The following ATAD5 variants were observed in gnomAD, a reference collection of about 807,000 sequenced individuals.
ATAD5 encodes ATPase family AAA domain containing 5, also known as ATPase family AAA domain-containing protein 5.
A neutral mutation model predicts 176.9 loss-of-function variants in ATAD5; 58 were observed. The observed-to-expected ratio is 0.33, with a 90% confidence interval of 0.27 to 0.41. The LOEUF (loss-of-function observed/expected upper bound fraction) is 0.41, where lower values mean the gene tolerates loss of function less well. Among genes scored for constraint, ATAD5 ranks in the 10% least tolerant of loss-of-function variants. The pLI is 1.00. For missense variants in ATAD5, 1,789 were observed against 2,094.1 expected (o/e 0.85, Z 2.84); for synonymous variants, 640 against 712.6 (o/e 0.90, Z 1.62).
chr17:30,873,043 T>C (rs930464382), intron 14 of ATAD5, among the ~76,000 whole-genome samples: 4 of 152,194 alleles, frequency 2.6e-5, no homozygotes, highest in Admixed American at 2.6e-4. Flanking sequence ...ATTTCATATA[T>C]TATGTCCAGT....
At chr17:30,836,130 G>A (rs1187224351) in intron 2 of ATAD5, 82 bp downstream of exon 2, 7 of 1,221,854 alleles carry the variant, frequency 5.7e-6, no homozygotes, top group Non-Finnish European at 7.7e-6. Context: ...GTATTGGAGG[G>A]TATTTTTTTT....
rs1243823706 is a variant in ATAD5 at position 30,894,883 on chromosome 17, T to C, written c.5505T>C (p.Thr1835=). 5.6e-6 allele frequency: 9 copies of C among 1,598,684 alleles called. No individual in the cohort carries two copies. Among genetic ancestry groups the C allele is most frequent in the African/African-American group, 2.7e-5 (2 of 74,056 alleles). ...EGIHLDIPKE[T]VNTLAADFP is the part of the protein sequence containing the mutation. ...TTCATCTTGACATTCCAAAAGAGAC[T>C]GTGAATACTTTGGCAGCTGACTTCC... Residue 1835 remains threonine, a synonymous_variant, in exon 23 of 23, where the codon ACT becomes ACC. Coordinates refer to ENST00000321990, the MANE Select transcript of ATAD5 (RefSeq NM_024857.5).
chr17:30,844,975 T>G, intron 6 of ATAD5, 59 bp downstream of exon 6: 1 of 1,372,890 alleles, frequency 7.3e-7, no homozygotes, highest in Non-Finnish European at 1.0e-6. Flanking sequence ...TTTGTATTGA[T>G]GTGTTTACTT....
chr17:30,840,690 G>A lies in ATAD5; in HGVS notation c.2150G>A (p.Arg717Lys). 1.9e-6 allele frequency: 3 copies of A among 1,608,666 alleles called. No individual in the cohort carries two copies. Among genetic ancestry groups the A allele is most frequent in the Non-Finnish European group, 1.7e-6 (2 of 1,177,770 alleles). Residue 717 changes from arginine to lysine, a missense_variant, in exon 4 of 23, where the codon AGG becomes AAG. Around this residue, in one of 6 missense-constraint regions of ATAD5, gnomAD observed 487 missense variants for 573.6 expected, o/e 0.85. Transcript: ENST00000321990. ...IEKAKALHIS[R>K]SKVTEEIAIP... Reference sequence around the variant, plus strand: ...AAAGCAAAAGCTTTACACATCAGTAGGTCAAAGGTGACTGAAGAAATAGCG... The same window carrying A: ...AAAGCAAAAGCTTTACACATCAGTAAGTCAAAGGTGACTGAAGAAATAGCG...
At chr17:30,856,816 T>C (rs1907315073) in intron 7 of ATAD5, 139 bp from the exon 8 acceptor site, 1 of 672,692 alleles carries the variant, frequency 1.5e-6, no homozygotes, top group East Asian at 3.4e-5. Context: ...AGGATTTTGT[T>C]CCCTTTATAG....
chr17:30,882,868 T>C (rs746243434), intron 18 of ATAD5, among the ~76,000 whole-genome samples: 1 of 152,152 alleles, frequency 6.6e-6, no homozygotes, highest in Non-Finnish European at 1.5e-5. Context: ...TGCCTAAGGC[T>C]AGAGGAGCTA....
chr17:30,878,718 G>GTTTTTTTTTTTTTTTTTTTTTT (rs71142005), intron 17 of ATAD5, among the ~76,000 whole-genome samples: 1 of 56,838 alleles, frequency 1.8e-5, no homozygotes. Flanking sequence ...GTTAGGTGGT[G>GTTTTTTTTTTTTTTTTTTTTTT]TTTTTTTTTT....
chr17:30,837,574 C>T (rs1243778682), intron 3 of ATAD5, among the ~76,000 whole-genome samples: 2 of 152,198 alleles, frequency 1.3e-5, no homozygotes, highest in South Asian at 2.1e-4. Context: ...GAGTTTACAT[C>T]GTGATCATTT....
At chr17:30,873,995 T>C (rs1253111038) in intron 14 of ATAD5, among the ~76,000 whole-genome samples, 1 of 151,570 alleles carries the variant, frequency 6.6e-6, no homozygotes, top group Non-Finnish European at 1.5e-5. Context: ...TGAAATGCCA[T>C]CTCTACTAAA....
intron 17 of ATAD5, among the ~76,000 whole-genome samples, 181 bp downstream of exon 17, chr17:30,878,277 T>G (rs1764187511): frequency 6.6e-6 from 1 of 152,168 alleles, no homozygotes; most frequent in South Asian, 2.1e-4. Context: ...AGAATGCAAA[T>G]AAGAAATCTA....
chr17:30,836,925 T>C (rs917945146), intron 2 of ATAD5, among the ~76,000 whole-genome samples: 17 of 152,210 alleles, frequency 1.1e-4, no homozygotes, highest in African/African-American at 2.7e-4. Context: ...TTTTTCCTCC[T>C]GTTTCAGAAC....
At chr17:30,885,643 T>G (rs59541281) in intron 18 of ATAD5, among the ~76,000 whole-genome samples, 15 of 127,860 alleles carry the variant, frequency 1.2e-4, no homozygotes, top group South Asian at 5.7e-4. Context: ...TTTTTTTTTT[T>G]TTTTGGTTGA....
intron 4 of ATAD5, among the ~76,000 whole-genome samples, chr17:30,843,024 G>A (rs2142322196): frequency 6.6e-6 from 1 of 151,794 alleles, no homozygotes; most frequent in African/African-American, 2.4e-5. Context: ...GATTACAGGC[G>A]TGAACCACCG....
rs750383847 is a variant in ATAD5 at position 30,834,174 on chromosome 17, T to C, written c.93T>C (p.Asp31=). ...IEPCKKRKKD[D]DTSTCKTITK... Reference sequence around the variant, plus strand: ...CATGCAAAAAGCGAAAGAAAGATGATGACACATCTACCTGCAAAACAATTA... The same window carrying C: ...CATGCAAAAAGCGAAAGAAAGATGACGACACATCTACCTGCAAAACAATTA... Residue 31 remains aspartate, a synonymous_variant, in exon 2 of 23, where the codon GAT becomes GAC. Coordinates refer to ENST00000321990, the MANE Select transcript of ATAD5 (RefSeq NM_024857.5). 1 of 1,572,216 alleles carries C rather than the reference T, an allele frequency of 6.4e-7. No homozygotes were observed. The highest frequency in any genetic ancestry group is 1.2e-5 in the South Asian group (1 of 82,684).
Position 30,877,698 on chromosome 17 carries a change from C to T in ATAD5, c.3918+149C>T, listed in dbSNP as rs948907892. 5.0e-6 allele frequency: 4 copies of T among 805,764 alleles called. No individual in the cohort carries two copies. In the East Asian group the frequency reaches 8.4e-5, roughly 17 times the overall value. The allele number at this position is 805,764 out of a possible 1,614,324, so 49.9% of individuals were successfully genotyped here. On this transcript the variant is annotated intron_variant, in intron 16 of 22. Coordinates refer to ENST00000321990, the MANE Select transcript of ATAD5 (RefSeq NM_024857.5). Reference sequence around the variant, plus strand: ...TGAAATTAAAGCAAATTAAACTGTCCACTCTAGAATAATTTTTCAGGAAGA... The same window carrying T: ...TGAAATTAAAGCAAATTAAACTGTCTACTCTAGAATAATTTTTCAGGAAGA...
rs200235015 is a variant in ATAD5 at position 30,892,578 on chromosome 17, T to G, written c.4259-29T>G. 3 of 1,488,578 alleles carry G rather than the reference T, an allele frequency of 2.0e-6. No individual in the cohort carries two copies. In the Admixed American group the frequency reaches 7.1e-5, roughly 35 times the overall value. 92.2% of individuals were successfully genotyped at this position (1,488,578 alleles called of 1,614,324 possible). ...TGATACAATTTGTTTAATACATATATAGAGCTAAGATTTTCTTTTATTTTG... is the reference window on the plus strand; with the variant it reads ...TGATACAATTTGTTTAATACATATAGAGAGCTAAGATTTTCTTTTATTTTG... On this transcript the variant is annotated intron_variant, in intron 19 of 22. Coordinates refer to ENST00000321990, the MANE Select transcript of ATAD5 (RefSeq NM_024857.5).
intron 6 of ATAD5, among the ~76,000 whole-genome samples, chr17:30,853,270 C>T (rs779565712): frequency 9.2e-5 from 14 of 152,004 alleles, no homozygotes; most frequent in Non-Finnish European, 2.1e-4. Context: ...TACACACAAA[C>T]ATTTAAAACT....
chr17:30,860,350 C>T, intron 9 of ATAD5, 83 bp from the exon 10 acceptor site: 1 of 1,455,022 alleles, frequency 6.9e-7, no homozygotes, highest in South Asian at 1.3e-5. Context: ...AGTTACAAGA[C>T]TATTGGATAC....
chr17:30,865,291 G>A (rs907472601), intron 10 of ATAD5, among the ~76,000 whole-genome samples: 30 of 151,572 alleles, frequency 2.0e-4, no homozygotes, highest in Non-Finnish European at 2.9e-5. Flanking sequence ...TCCTGCCTCA[G>A]CCTCCCGAGT....
Sources: allele counts gnomAD v4.1 joint callset (sites outside exome capture counted in the v4.1 genomes callset), GRCh38; gene constraint gnomAD v4.1.1; regional missense constraint gnomAD v4.1.1; transcripts MANE v1.5; gene names NCBI Gene and HGNC (gene_info 2026-07-23, HGNC 2026-07-21).